The following CCSER1 variants were observed in gnomAD, a reference collection of about 807,000 sequenced individuals.
CCSER1 encodes coiled-coil serine rich protein 1, also known as serine-rich coiled-coil domain-containing protein 1.
CCSER1 carries 41 observed loss-of-function variants against 82.0 expected under a neutral mutation model. The observed-to-expected ratio is 0.50, with a 90% confidence interval of 0.39 to 0.65. CCSER1 has a LOEUF of 0.65. Ranked by LOEUF, CCSER1 falls within the 30% of genes least tolerant of loss-of-function variation. The pLI, the probability that CCSER1 is intolerant of heterozygous loss-of-function variation, is 0.00. For missense variants in CCSER1, 1,119 were observed against 1,064.2 expected, an observed-to-expected ratio of 1.05 and a Z score of -0.72; for synonymous variants, 414 against 383.9, an observed-to-expected ratio of 1.08 and a Z score of -0.92.
rs545216622 is a variant in CCSER1, at chr4:90,521,196, C to T, written c.1724+52842C>T. ...CCCAATCTATACTATCAATGCCTAA[C>T]ATATATCAAATGTATGCATATGCCA... On this transcript the variant is annotated intron_variant, in intron 5 of 10. Coordinates refer to ENST00000509176, the MANE Select transcript of CCSER1 (RefSeq NM_001145065.2). Among the ~76,000 whole-genome samples, 6 of 152,194 alleles carry T rather than the reference C, an allele frequency of 3.9e-5. No homozygotes were observed. The South Asian group carries it at 1.0e-3, about 26-fold the overall frequency.
intron 9 of CCSER1, among the ~76,000 whole-genome samples, chr4:90,965,852 C>T (rs143575339): frequency 2.0e-5 from 3 of 152,122 alleles, no homozygotes; most frequent in Admixed American, 2.0e-4. Flanking sequence ...TGATGGAAGC[C>T]ATGTCTAAAG....
chr4:91,494,339 T>C (rs1578612951), intron 10 of CCSER1, among the ~76,000 whole-genome samples: 1 of 151,904 alleles, frequency 6.6e-6, no homozygotes, highest in South Asian at 2.1e-4. Flanking sequence ...AATCATACAA[T>C]ATCTCTCCAT....
chr4:90,347,893 G>A (rs1050435670), intron 3 of CCSER1, among the ~76,000 whole-genome samples: 1 of 152,158 alleles, frequency 6.6e-6, no homozygotes, highest in African/African-American at 2.4e-5. Context: ...TAGGTCCACT[G>A]GCTCTGATAT....
intron 1 of CCSER1, among the ~76,000 whole-genome samples, chr4:90,271,862 ATTTTTTTT>A (rs1176154331): frequency 2.0e-3 from 43 of 21,712 alleles, no homozygotes; most frequent in Admixed American, 4.0e-3. Flanking sequence ...ATATATATAT[ATTTTTTTT>A]TTTTTTTTTT....
In CCSER1 at chr4:90,241,061, G is replaced by A. The variant is rs565484726; in HGVS notation, c.-41-67183G>A. ...AGTGAGGAAACTGTTTAGCCCCAGA[G>A]TGTGCACTAGTAATAGCACATAGTT... On this transcript the variant is annotated intron_variant, in intron 1 of 10. Coordinates refer to ENST00000509176, the MANE Select transcript of CCSER1 (RefSeq NM_001145065.2). Among the ~76,000 whole-genome samples the A allele has an allele frequency of 9.8e-5, 15 of 152,334 alleles. No individual in the cohort carries two copies. The South Asian group carries it at 2.3e-3, about 23-fold the overall frequency.
At chr4:90,405,502 G>A (rs1053370892) in intron 4 of CCSER1, among the ~76,000 whole-genome samples, 1 of 152,080 alleles carries the variant, frequency 6.6e-6, no homozygotes, top group African/African-American at 2.4e-5. Flanking sequence ...AATTCAAGAA[G>A]CTCAAAGAAC....
chr4:90,267,983 A>G (rs796089629), intron 1 of CCSER1, among the ~76,000 whole-genome samples: 8 of 152,290 alleles, frequency 5.3e-5, no homozygotes, highest in African/African-American at 1.9e-4. Context: ...AGGCCAGGAG[A>G]TAGGAATATG....
intron 6 of CCSER1, among the ~76,000 whole-genome samples, chr4:90,710,267 T>A (rs577389770): frequency 1.3e-5 from 2 of 152,066 alleles, no homozygotes; most frequent in East Asian, 1.9e-4. Context: ...CTAGTGATAG[T>A]TTTTTGTTGT....
chr4:91,028,096 G>T (rs538807332), intron 9 of CCSER1, among the ~76,000 whole-genome samples: 1 of 152,040 alleles, frequency 6.6e-6, no homozygotes, highest in East Asian at 1.9e-4. Flanking sequence ...ACTTGTATTT[G>T]TCATAGCTAA....
intron 7 of CCSER1, among the ~76,000 whole-genome samples, chr4:90,774,484 G>T (rs543199663): frequency 6.6e-6 from 1 of 152,158 alleles, no homozygotes; most frequent in South Asian, 2.1e-4. Context: ...TTTGCATTGA[G>T]ATTTATTGAA....
chr4:90,394,739 T>C (rs1005236657), intron 3 of CCSER1, among the ~76,000 whole-genome samples: 3 of 152,186 alleles, frequency 2.0e-5, no homozygotes, highest in African/African-American at 7.2e-5. Context: ...TTTAATGTTA[T>C]TTATTTTATA....
chr4:90,257,588 C>CA (rs1283373486), intron 1 of CCSER1, among the ~76,000 whole-genome samples: 7 of 150,482 alleles, frequency 4.7e-5, no homozygotes, highest in African/African-American at 1.7e-4. Flanking sequence ...TACATAGATA[C>CA]TTAGATAGAT....
In CCSER1 at chr4:90,824,968, TAG is replaced by T. The variant is rs534169393; in HGVS notation, c.2094+9126_2094+9127del. 2.7e-3 allele frequency among the ~76,000 whole-genome samples: 411 copies of T among 152,282 alleles called. 5 individuals carry two copies. The highest frequency in any genetic ancestry group is 9.5e-3 in the African/African-American group (393 of 41,566). ...CCTAGTCAGCTCTGTAAGACAGATG[TAG>T]AGTGTGAATGTGACAGTATCCTATG... is the stretch of plus-strand genomic sequence containing the variant. On this transcript the variant is annotated intron_variant, in intron 8 of 10. Transcript: ENST00000509176.
At position 90,732,797 on chromosome 4, in the gene CCSER1, C is replaced by T. The variant is rs192919968; in HGVS notation, c.2010+8806C>T. On this transcript the variant is annotated intron_variant, in intron 7 of 10. Coordinates refer to ENST00000509176, the MANE Select transcript of CCSER1 (RefSeq NM_001145065.2). ...GAACATGTGTAATTTTCTTACTTTCCTTGGCATATTTCACTTACCATAATG... is the reference window on the plus strand; with the variant it reads ...GAACATGTGTAATTTTCTTACTTTCTTTGGCATATTTCACTTACCATAATG... 3.1e-3 allele frequency among the ~76,000 whole-genome samples: 478 copies of T among 152,204 alleles called. 1 individual carries two copies. Among genetic ancestry groups the T allele is most frequent in the African/African-American group, 0.011 (440 of 41,546 alleles).
chr4:91,060,373 CATAATT>C (rs1289785587), intron 9 of CCSER1, among the ~76,000 whole-genome samples: 3 of 151,982 alleles, frequency 2.0e-5, no homozygotes, highest in East Asian at 1.9e-4. Context: ...TTTTTGAAAA[CATAATT>C]ATATTCTTTA....
intron 6 of CCSER1, among the ~76,000 whole-genome samples, chr4:90,661,975 T>C (rs1352668056): frequency 4.0e-5 from 6 of 151,434 alleles, no homozygotes; most frequent in African/African-American, 1.5e-4. Context: ...TTGTTTGTCC[T>C]ATACCACTCT....
intron 10 of CCSER1, among the ~76,000 whole-genome samples, chr4:91,207,287 G>C (rs990160415): frequency 6.6e-6 from 1 of 151,648 alleles, no homozygotes; most frequent in Non-Finnish European, 1.5e-5. Flanking sequence ...CTTGGTGTAC[G>C]AATTATTTCA....
chr4:91,363,038 A>C (rs1174872708), intron 10 of CCSER1, among the ~76,000 whole-genome samples: 1 of 151,750 alleles, frequency 6.6e-6, no homozygotes, highest in African/African-American at 2.4e-5. Context: ...TAGGCTCCCA[A>C]GGGATCTTCA....
chr4:90,974,234 T>C (rs948935606), intron 9 of CCSER1, among the ~76,000 whole-genome samples: 1 of 151,466 alleles, frequency 6.6e-6, no homozygotes, highest in Non-Finnish European at 1.5e-5. Flanking sequence ...CAAAAAAGTA[T>C]GTGGGGTGAT....
Sources: gnomAD v4.1 joint callset for allele counts (sites outside exome capture counted in the v4.1 genomes callset) on GRCh38, gnomAD v4.1.1 for gene constraint, MANE v1.5 for transcripts, NCBI Gene and HGNC (gene_info 2026-07-23, HGNC 2026-07-21) for gene names.